Variants in PCTP observed in about 807,000 individuals in gnomAD.
PCTP encodes the protein START domain-containing protein 2.
A neutral mutation model predicts 31.0 loss-of-function variants in PCTP; 27 were observed. That is an observed-to-expected ratio of 0.87 (90% confidence interval 0.64 to 1.20). PCTP has a LOEUF of 1.20. Ranked by LOEUF, PCTP falls within the 50% of genes most tolerant of loss-of-function variation. PCTP has a pLI of 0.00. For missense variants in PCTP, 287 were observed against 268.2 expected (o/e 1.07, Z -0.49); for synonymous variants, 108 against 101.2 (o/e 1.07, Z -0.40).
intron 1 of PCTP, among the ~76,000 whole-genome samples, chr17:55,765,530 C>T (rs1910592655): frequency 6.6e-6 from 1 of 152,214 alleles, no homozygotes. Flanking sequence ...TGACTCCTCG[C>T]CATCACTGTT....
At chr17:55,850,769 TA>T in the PCTP span, among the ~76,000 whole-genome samples, 2 of 152,256 alleles carry the variant, frequency 1.3e-5, no homozygotes, top group African/African-American at 4.8e-5. Flanking sequence ...TTCTCCTCTA[TA>T]AAAAAATCAC....
intron 3 of PCTP, among the ~76,000 whole-genome samples, chr17:55,817,143 G>T (rs546855980): frequency 6.6e-6 from 1 of 152,248 alleles, no homozygotes; most frequent in Admixed American, 6.5e-5. Flanking sequence ...AATACCCAGT[G>T]GTTCAGCATT....
At chr17:55,839,810 C>T (rs1905904657) in intron 5 of PCTP, among the ~76,000 whole-genome samples, 1 of 145,486 alleles carries the variant, frequency 6.9e-6, no homozygotes, top group Non-Finnish European at 1.5e-5. Context: ...GTCCCAGCTA[C>T]TTGGGAGGCT....
chr17:55,761,977 G>C (rs911192882), intron 1 of PCTP, among the ~76,000 whole-genome samples: 1 of 152,174 alleles, frequency 6.6e-6, no homozygotes, highest in African/African-American at 2.4e-5. Context: ...CAAGGAGTTA[G>C]GGAAAGAAGT....
intron 5 of PCTP, chr17:55,842,712 T>C (rs1011765148): frequency 6.6e-6 from 1 of 152,208 alleles, no homozygotes; most frequent in African/African-American, 2.4e-5. Context: ...TTGCTCTCTG[T>C]TTTATGGATT....
chr17:55,823,905 T>G (rs1905310930), downstream of PCTP, among the ~76,000 whole-genome samples: 1 of 152,214 alleles, frequency 6.6e-6, no homozygotes, highest in Non-Finnish European at 1.5e-5. Context: ...TGAATAGTGC[T>G]GCATAACTCC....
At chr17:55,775,384 G>A in intron 5 of PCTP, 5 of 1,232,250 alleles carry the variant, frequency 4.1e-6, no homozygotes, top group Non-Finnish European at 3.0e-6. Flanking sequence ...CCATCAGCCT[G>A]CTTTGCACAA....
chr17:55,836,806 T>C (rs1478965919), intron 5 of PCTP, among the ~76,000 whole-genome samples: 3 of 152,192 alleles, frequency 2.0e-5, no homozygotes, highest in African/African-American at 7.2e-5. Context: ...AATAAATACA[T>C]AGACCTTGTT....
chr17:55,837,645 C>T (rs561272001), intron 5 of PCTP, among the ~76,000 whole-genome samples: 1 of 152,330 alleles, frequency 6.6e-6, no homozygotes, highest in South Asian at 2.1e-4. Context: ...CCAGCTCTCA[C>T]TCCAAATCCT....
downstream of PCTP, among the ~76,000 whole-genome samples, chr17:55,843,519 C>G (rs892918463): frequency 1.3e-5 from 2 of 152,170 alleles, no homozygotes; most frequent in Non-Finnish European, 2.9e-5. Flanking sequence ...TGTCTTTGCT[C>G]GTGATAGTTC....
chr17:55,782,578 G>C (rs996813815), intron 2 of PCTP, among the ~76,000 whole-genome samples: 4 of 152,124 alleles, frequency 2.6e-5, no homozygotes, highest in African/African-American at 9.7e-5. Flanking sequence ...GTGGTAGACT[G>C]GGAACTCAAA....
In PCTP at chr17:55,776,065, G is replaced by T; in HGVS notation, c.610G>T (p.Ala204Ser). 1 of 1,613,942 alleles carries T rather than the reference G, an allele frequency of 6.2e-7. No individual in the cohort carries two copies. Among genetic ancestry groups the T allele is most frequent in the African/African-American group, 1.3e-5 (1 of 75,026 alleles). ...AGTTCCTAACTTCTTGAAAGACATG[G>T]CAAGAGCCTGTCAGAACTACCTCAA... ...NGVPNFLKDM[A>S]RACQNYLKKT The change falls in exon 6 of 6, where the codon GCA becomes TCA. Residue 204 changes from alanine (A) to serine (S), a missense_variant. Physicochemically the swap from Ala to Ser is moderately conservative, Grantham distance 99. Coordinates refer to ENST00000268896, the MANE Select transcript of PCTP (RefSeq NM_021213.4).
chr17:55,805,917 T>TGTGTGTGTGTGTGTGTG (rs1159147410), intron 3 of PCTP, among the ~76,000 whole-genome samples: 8 of 151,724 alleles, frequency 5.3e-5, no homozygotes, highest in East Asian at 3.9e-4. Context: ...TGTGTGTGTG[T>TGTGTGTGTGTGTGTGTG]TTGACTTTAG....
chr17:55,782,427 A>G (rs538654553), intron 2 of PCTP, among the ~76,000 whole-genome samples: 29 of 152,174 alleles, frequency 1.9e-4, no homozygotes, highest in Non-Finnish European at 2.6e-4. Context: ...TGAAGCTCTT[A>G]TTGTGTGCGA....
At chr17:55,817,158 C>T (rs113936988) in intron 3 of PCTP, among the ~76,000 whole-genome samples, 7,227 of 152,248 alleles carry the variant, frequency 0.047, 541 homozygotes, top group African/African-American at 0.16. Context: ...AGCATTCTCG[C>T]TTAAATGAAA....
At chr17:55,832,072 C>T (rs1216636829) in intron 5 of PCTP, among the ~76,000 whole-genome samples, 1 of 152,150 alleles carries the variant, frequency 6.6e-6, no homozygotes, top group Non-Finnish European at 1.5e-5. Flanking sequence ...GAGACTCCAT[C>T]TCAAACAAAC....
At chr17:55,786,148 G>T (rs1911736574) in intron 2 of PCTP, among the ~76,000 whole-genome samples, 1 of 151,558 alleles carries the variant, frequency 6.6e-6, no homozygotes, top group African/African-American at 2.4e-5. Flanking sequence ...GCTAGGCGTG[G>T]TGGCGCAGGC....
chr17:55,845,701 C>T (rs1287120606), downstream of PCTP, among the ~76,000 whole-genome samples: 1 of 152,166 alleles, frequency 6.6e-6, no homozygotes, highest in Non-Finnish European at 1.5e-5. Context: ...GCGGGCCCTG[C>T]GGCCTCCTTC....
At chr17:55,804,894 A>T (rs1912527317) in intron 3 of PCTP, among the ~76,000 whole-genome samples, 1 of 152,158 alleles carries the variant, frequency 6.6e-6, no homozygotes, top group Non-Finnish European at 1.5e-5. Flanking sequence ...TAACTACAGT[A>T]ATATCATACA....
Sources: allele counts gnomAD v4.1 joint callset (sites outside exome capture counted in the v4.1 genomes callset), GRCh38; gene constraint gnomAD v4.1.1; transcripts MANE v1.5; gene names NCBI Gene and HGNC (gene_info 2026-07-23, HGNC 2026-07-21).